Variants in TNRC6B observed in about 807,000 individuals in gnomAD.
TNRC6B encodes trinucleotide repeat-containing gene 6B protein.
TNRC6B carries 52 observed loss-of-function variants against 203.6 expected under a neutral mutation model. That is an observed-to-expected ratio of 0.26 (90% CI 0.20 to 0.32). The LOEUF is 0.32. TNRC6B is among the 10% of genes least tolerant of loss of function. The pLI, the probability that TNRC6B is intolerant of heterozygous loss-of-function variation, is 1.00. For missense variants in TNRC6B, 1,923 were observed against 2,286.2 expected, an observed-to-expected ratio of 0.84 and a Z score of 3.24; for synonymous variants, 838 against 845.7, an observed-to-expected ratio of 0.99 and a Z score of 0.16.
intron 15 of TNRC6B, among the ~76,000 whole-genome samples, chr22:40,303,984 T>G (rs915359024): frequency 1.3e-5 from 2 of 152,236 alleles, no homozygotes; most frequent in African/African-American, 4.8e-5. Flanking sequence ...GTCTGAAAGT[T>G]AGATTTGGCT....
At chr22:40,299,645 G>C (rs1230441491) in intron 12 of TNRC6B, among the ~76,000 whole-genome samples, 1 of 152,108 alleles carries the variant, frequency 6.6e-6, no homozygotes, top group Non-Finnish European at 1.5e-5. Flanking sequence ...CAAACTGCTG[G>C]GATTACAGGT....
chr22:40,238,174 A>T (rs1198074684), intron 1 of TNRC6B, among the ~76,000 whole-genome samples: 1 of 151,996 alleles, frequency 6.6e-6, no homozygotes, highest in East Asian at 1.9e-4. Context: ...GGAGAAAAGG[A>T]AGGTTCATTC....
intron 8 of TNRC6B, among the ~76,000 whole-genome samples, chr22:40,277,483 G>A (rs937255833): frequency 2.6e-5 from 4 of 152,126 alleles, no homozygotes; most frequent in South Asian, 2.1e-4. Flanking sequence ...AAAAGGCAAC[G>A]ATAACGAAAC....
intron 1 of TNRC6B, among the ~76,000 whole-genome samples, chr22:40,225,631 T>C (rs2069772700): frequency 6.7e-6 from 1 of 150,224 alleles, no homozygotes; most frequent in Admixed American, 6.7e-5. Flanking sequence ...TAACCCCAGC[T>C]ACGCGGGAGG....
In TNRC6B at chr22:40,323,355, A is replaced by G. The variant is rs766370279; in HGVS notation, c.*114A>G. On this transcript the variant is annotated 3_prime_UTR_variant, in exon 23 of 23. Coordinates refer to ENST00000454349, the MANE Select transcript of TNRC6B (RefSeq NM_001162501.2). ...ATAAATACATTTTTAAAAGGAAAAA[A>G]GAAAACGGAGAGAAAAAAAGGTGGG... 1.5e-4 allele frequency: 208 copies of G among 1,344,394 alleles called. No homozygotes were observed. The highest frequency in any genetic ancestry group is 2.1e-4 in the Admixed American group (8 of 38,386). The allele number at this position is 1,344,394 out of a possible 1,614,324, so 83.3% of individuals were successfully genotyped here.
rs570714983 is a variant in TNRC6B at position 40,251,914 on chromosome 22, TCTAAG to T, written c.115+719_115+723del. ...TGCACCTAGGATGTTTACTCTGCCT[TCTAAG>T]CTAAAACTTAGAATATGCTTTTTTA... On this transcript the variant is annotated intron_variant, in intron 3 of 22. Transcript: ENST00000454349. Among the ~76,000 whole-genome samples, 328 of 152,342 alleles carry T rather than the reference TCTAAG, an allele frequency of 2.2e-3. 2 individuals are homozygous for T. Among genetic ancestry groups the T allele is most frequent in the African/African-American group, 6.8e-3 (282 of 41,572 alleles).
chr22:40,216,536 C>T (rs919371660), intron 1 of TNRC6B, among the ~76,000 whole-genome samples: 1 of 152,094 alleles, frequency 6.6e-6, no homozygotes, highest in South Asian at 2.1e-4. Flanking sequence ...CCCATGAACC[C>T]AGGACGCAGA....
chr22:40,295,943 A>G (rs1009763436), intron 12 of TNRC6B, among the ~76,000 whole-genome samples: 3 of 152,072 alleles, frequency 2.0e-5, no homozygotes, highest in African/African-American at 4.8e-5. Flanking sequence ...TTGTGAAGAG[A>G]ATTGTGGAGC....
intron 1 of TNRC6B, among the ~76,000 whole-genome samples, chr22:40,238,319 G>A (rs1193271560): frequency 1.3e-5 from 2 of 152,114 alleles, no homozygotes; most frequent in South Asian, 2.1e-4. Context: ...GGAGAGAGGC[G>A]GGCCTCCTGA....
chr22:40,062,596 A>G (rs1265940833), intron 1 of TNRC6B, among the ~76,000 whole-genome samples: 2 of 152,182 alleles, frequency 1.3e-5, no homozygotes, highest in Non-Finnish European at 2.9e-5. Flanking sequence ...CAATCCTACC[A>G]GCAGTATATG....
At chr22:40,177,561 C>A (rs1486463213), upstream of TNRC6B, among the ~76,000 whole-genome samples, 1 of 152,090 alleles carries the variant, frequency 6.6e-6, no homozygotes, top group Non-Finnish European at 1.5e-5. Context: ...GTGTTTCAGC[C>A]CCTTTTACAG....
Position 40,325,334 on chromosome 22 carries a change from G to T in TNRC6B, c.*2093G>T, listed in dbSNP as rs887052343. On this transcript the variant is annotated 3_prime_UTR_variant, in exon 23 of 23. Transcript: ENST00000454349. ...TGTGTATAGGAAAAGCCTAAAACAA[G>T]TTATTTGCATTTCAGTGGTTTTGTG... The T allele has an allele frequency of 6.6e-6, 1 of 152,654 alleles. No individual in the cohort carries two copies. The allele number at this position is 152,654 out of a possible 1,614,324, so 9.5% of individuals were successfully genotyped here.
intron 3 of TNRC6B, among the ~76,000 whole-genome samples, chr22:40,130,923 A>G (rs2068537653): frequency 6.7e-6 from 1 of 149,624 alleles, no homozygotes; most frequent in African/African-American, 2.5e-5. Flanking sequence ...TTTTTTTGAG[A>G]CAGAGTCTCG....
At chr22:40,264,423 A>G (rs1426877341) in intron 4 of TNRC6B, among the ~76,000 whole-genome samples, 1 of 152,222 alleles carries the variant, frequency 6.6e-6, no homozygotes, top group Admixed American at 6.5e-5. Flanking sequence ...GCCTTGTCCC[A>G]AGATACAAGA....
chr22:40,185,585 T>C (rs149208988), intron 1 of TNRC6B, among the ~76,000 whole-genome samples: 1 of 152,164 alleles, frequency 6.6e-6, no homozygotes, highest in Non-Finnish European at 1.5e-5. Context: ...CAGGCTGTAT[T>C]AGCTAGAGTA....
chr22:40,226,569 T>G (rs1378811259), intron 1 of TNRC6B, among the ~76,000 whole-genome samples: 1 of 152,196 alleles, frequency 6.6e-6, no homozygotes. Context: ...TGGAAAGGTG[T>G]GCAAAAATCA....
At chr22:40,074,727 C>G (rs1031378815) in intron 1 of TNRC6B, among the ~76,000 whole-genome samples, 3 of 151,200 alleles carry the variant, frequency 2.0e-5, no homozygotes, top group African/African-American at 7.3e-5. Context: ...TGCAGTGAGC[C>G]GAGATCACGC....
intron 3 of TNRC6B, among the ~76,000 whole-genome samples, chr22:40,149,680 A>C (rs78517091): frequency 9.7e-5 from 3 of 30,978 alleles, no homozygotes; most frequent in Non-Finnish European, 1.0e-4. Context: ...CTCCCCCGCC[A>C]AAAAAAAAAA....
intron 6 of TNRC6B, among the ~76,000 whole-genome samples, chr22:40,271,053 C>G (rs1269295707): frequency 1.3e-5 from 2 of 152,160 alleles, no homozygotes; most frequent in Non-Finnish European, 2.9e-5. Context: ...TTAAACCTGG[C>G]ATAAATTTCA....
Sources: allele counts gnomAD v4.1 joint callset (sites outside exome capture counted in the v4.1 genomes callset), GRCh38; gene constraint gnomAD v4.1.1; transcripts MANE v1.5; gene names NCBI Gene and HGNC (gene_info 2026-07-23, HGNC 2026-07-21).